MBP: variants seen among roughly 807,000 people sequenced by gnomAD.
MBP encodes Golli-MBP.
MBP carries 16 observed loss-of-function variants against 35.8 expected under a neutral mutation model. That is an observed-to-expected ratio of 0.45 (90% CI 0.30 to 0.68). MBP has a LOEUF of 0.68. MBP is among the 30% of genes least tolerant of loss of function. MBP has a pLI of 0.08. For missense variants in MBP, 380 were observed against 404.7 expected (o/e 0.94, Z 0.52); for synonymous variants, 143 against 159.6 (o/e 0.90, Z 0.78).
At chr18:77,072,255 T>G (rs146759967) in intron 2 of MBP, among the ~76,000 whole-genome samples, 53 of 152,310 alleles carry the variant, frequency 3.5e-4, no homozygotes, top group Non-Finnish European at 6.3e-4. Flanking sequence ...TTTTGAGCCT[T>G]AGGTCATTTC....
At chr18:76,997,335 G>C (rs935193299) in intron 4 of MBP, among the ~76,000 whole-genome samples, 1 of 152,210 alleles carries the variant, frequency 6.6e-6, no homozygotes, top group African/African-American at 2.4e-5. Context: ...GCTCCAGCCC[G>C]GGCCTGACGC....
At chr18:77,028,527 TGGC>T (rs1972339016) in intron 3 of MBP, among the ~76,000 whole-genome samples, 1 of 98,110 alleles carries the variant, frequency 1.0e-5, no homozygotes, top group African/African-American at 2.9e-5. Flanking sequence ...GACGGGGTGG[TGGC>T]CGGGCAGAGG....
chr18:77,085,525 C>T (rs1439618325), intron 2 of MBP, among the ~76,000 whole-genome samples: 1 of 152,160 alleles, frequency 6.6e-6, no homozygotes, highest in Non-Finnish European at 1.5e-5. Flanking sequence ...ATGACAGTAT[C>T]TGGTGCTCAG....
At chr18:77,047,089 C>T (rs1052011808) in intron 3 of MBP, among the ~76,000 whole-genome samples, 1 of 152,206 alleles carries the variant, frequency 6.6e-6, no homozygotes, top group African/African-American at 2.4e-5. Flanking sequence ...AATGAACAAA[C>T]CTTGGAGCCG....
At chr18:77,038,968 A>G (rs1972879776) in intron 3 of MBP, among the ~76,000 whole-genome samples, 1 of 152,238 alleles carries the variant, frequency 6.6e-6, no homozygotes, top group Non-Finnish European at 1.5e-5. Flanking sequence ...AATCTGGCCC[A>G]TATGTTTTTG....
At chr18:77,006,831 C>G (rs1971008517) in intron 4 of MBP, 1 of 152,312 alleles carries the variant, frequency 6.6e-6, no homozygotes, top group African/African-American at 2.4e-5. Flanking sequence ...TATTTCATAG[C>G]TGGGGTGTCT....
At chr18:77,057,484 A>T (rs1158534996) in intron 3 of MBP, among the ~76,000 whole-genome samples, 1 of 152,206 alleles carries the variant, frequency 6.6e-6, no homozygotes, top group African/African-American at 2.4e-5. Flanking sequence ...ACAATTAGCG[A>T]TCCATTCACA....
chr18:77,018,517 C>A (rs1473250761), intron 3 of MBP, among the ~76,000 whole-genome samples: 2 of 150,514 alleles, frequency 1.3e-5, no homozygotes, highest in African/African-American at 4.9e-5. Context: ...ATCTATCCAT[C>A]CATCCATACA....
At chr18:77,014,123 G>A (rs572526926) in intron 4 of MBP, 18 of 985,466 alleles carry the variant, frequency 1.8e-5, no homozygotes, top group Admixed American at 1.2e-4. Context: ...CATGTTCTCC[G>A]TGAATGCACT....
intron 4 of MBP, among the ~76,000 whole-genome samples, chr18:76,993,287 T>A (rs1669712153): frequency 1.3e-5 from 2 of 152,226 alleles, no homozygotes; most frequent in Non-Finnish European, 1.5e-5. Context: ...GTGTGGTGGC[T>A]CGTGCCTGTA....
intron 2 of MBP, among the ~76,000 whole-genome samples, chr18:77,068,222 G>T (rs537883535): frequency 6.6e-6 from 1 of 152,178 alleles, no homozygotes; most frequent in East Asian, 1.9e-4. Flanking sequence ...TTGCCTTCAC[G>T]TTGTGAAATT....
At chr18:77,106,091 T>A (rs1976266100) in intron 1 of MBP, among the ~76,000 whole-genome samples, 1 of 152,130 alleles carries the variant, frequency 6.6e-6, no homozygotes, top group Non-Finnish European at 1.5e-5. Context: ...TTAAGGACAA[T>A]GACAACATGT....
rs764362455 is a variant in MBP, at chr18:76,988,870, G to A, written c.717+7C>T. ...TGATGATCAATCAAAACATTCCAAG[G>A]TCTTACCTTTCCCTGCGACGGGGGT... On this transcript the variant is annotated splice_region_variant and intron_variant, in intron 6 of 8. Coordinates refer to ENST00000355994, the MANE Select transcript of MBP (RefSeq NM_001025101.2). This position sits in a 1 kb window ranked among gnomAD's most constrained non-coding sequence, Gnocchi z 5.2. The A allele has an allele frequency of 6.2e-7, 1 of 1,613,262 alleles. No homozygotes were observed. Among genetic ancestry groups the A allele is most frequent in the South Asian group, 1.1e-5 (1 of 90,954 alleles).
intron 3 of MBP, among the ~76,000 whole-genome samples, chr18:77,019,032 TCATCCATCCATC>T (rs10526394): frequency 0.07 from 9,659 of 138,722 alleles, 366 homozygotes; most frequent in East Asian, 0.15. Flanking sequence ...ACCTACCTGT[TCATCCATCCATC>T]CATCCATCCA....
In MBP at chr18:76,988,936, G is replaced by A. The variant is rs781701546; in HGVS notation, c.682-24C>T. 3 of 1,612,752 alleles carry A rather than the reference G, an allele frequency of 1.9e-6. No individual in the cohort carries two copies. The East Asian group carries it at 6.7e-5, about 36-fold the overall frequency. Reference sequence around the variant, plus strand: ...ACCTGGAAAGACACAGAGAACCGTGGGCTGCACTGGGAGCCCTGTGCCGCC... The same window carrying A: ...ACCTGGAAAGACACAGAGAACCGTGAGCTGCACTGGGAGCCCTGTGCCGCC... On this transcript the variant is annotated intron_variant, in intron 5 of 8. Transcript: ENST00000355994. The surrounding 1 kb of genome is among the most constrained non-coding windows in gnomAD (Gnocchi z 5.2).
chr18:77,035,649 G>A (rs949512826), intron 3 of MBP, among the ~76,000 whole-genome samples: 1 of 149,272 alleles, frequency 6.7e-6, no homozygotes, highest in African/African-American at 2.5e-5. Flanking sequence ...CACACGTCAC[G>A]CTGCAGGTGA....
intron 4 of MBP, among the ~76,000 whole-genome samples, chr18:77,001,999 T>C (rs543982741): frequency 6.6e-6 from 1 of 152,372 alleles, no homozygotes; most frequent in African/African-American, 2.4e-5. Flanking sequence ...TCACACATAT[T>C]AACACAGTAC....
intron 2 of MBP, chr18:77,097,109 AC>A (rs374084487): frequency 2.0e-5 from 3 of 152,092 alleles, no homozygotes; most frequent in Admixed American, 6.5e-5. Flanking sequence ...TTCCACGGAC[AC>A]CCCCCCACCA....
chr18:77,028,708 G>A (rs1311771370), intron 3 of MBP, among the ~76,000 whole-genome samples: 3 of 89,942 alleles, frequency 3.3e-5, no homozygotes, highest in East Asian at 3.5e-4. Context: ...GGGCAGAGGC[G>A]CCCCTCACCT....
Sources: allele counts gnomAD v4.1 joint callset (sites outside exome capture counted in the v4.1 genomes callset), GRCh38; gene constraint gnomAD v4.1.1; non-coding constraint Gnocchi (gnomAD v3.1); transcripts MANE v1.5; gene names NCBI Gene and HGNC (gene_info 2026-07-23, HGNC 2026-07-21).